Variants in AGBL4 observed in about 807,000 individuals in gnomAD.
AGBL4 encodes the protein cytosolic carboxypeptidase 6.
A neutral mutation model predicts 66.4 loss-of-function variants in AGBL4; 58 were observed. That is an observed-to-expected ratio of 0.87 (90% CI 0.71 to 1.09). The LOEUF (loss-of-function observed/expected upper bound fraction) is 1.09. Among genes scored for constraint, AGBL4 ranks in the 50% least tolerant of loss-of-function variants. AGBL4 has a pLI of 0.00. For missense variants in AGBL4, 579 were observed against 631.0 expected (o/e 0.92, Z 0.88); for synonymous variants, 234 against 222.9 (o/e 1.05, Z -0.44).
chr1:48,872,994 C>T (rs1648838393), intron 5 of AGBL4, among the ~76,000 whole-genome samples: 1 of 152,184 alleles, frequency 6.6e-6, no homozygotes, highest in African/African-American at 2.4e-5. Flanking sequence ...AGCCTTTGGG[C>T]TTCTCACTAT....
intron 6 of AGBL4, among the ~76,000 whole-genome samples, chr1:48,678,144 G>T (rs534454954): frequency 6.6e-6 from 1 of 152,256 alleles, no homozygotes; most frequent in South Asian, 2.1e-4. Flanking sequence ...CGCTAGGATG[G>T]TCAGGCCTTC....
intron 5 of AGBL4, among the ~76,000 whole-genome samples, chr1:49,011,043 A>T (rs897515490): frequency 2.0e-5 from 3 of 151,970 alleles, no homozygotes; most frequent in African/African-American, 7.2e-5. Flanking sequence ...ATCTAATTAA[A>T]CTAAAGAGCT....
intron 1 of AGBL4, among the ~76,000 whole-genome samples, chr1:49,860,602 G>T (rs1348498495): frequency 1.3e-5 from 2 of 152,168 alleles, no homozygotes. Flanking sequence ...AGGAGGCTGA[G>T]ATGGAAGAAT....
At chr1:49,576,777 G>A (rs1644445167) in intron 3 of AGBL4, among the ~76,000 whole-genome samples, 1 of 152,114 alleles carries the variant, frequency 6.6e-6, no homozygotes, top group South Asian at 2.1e-4. Flanking sequence ...CTGCACTGAT[G>A]GCCTCATGGG....
chr1:48,929,346 G>T (rs1654847514), intron 5 of AGBL4, among the ~76,000 whole-genome samples: 1 of 152,124 alleles, frequency 6.6e-6, no homozygotes, highest in South Asian at 2.1e-4. Flanking sequence ...TATCCTTTCA[G>T]TTAAAAAACA....
chr1:49,101,083 C>T (rs144730445), intron 4 of AGBL4, among the ~76,000 whole-genome samples: 2 of 152,280 alleles, frequency 1.3e-5, no homozygotes, highest in African/African-American at 2.4e-5. Flanking sequence ...AGACTCAGAC[C>T]TACAGGTTCT....
Position 49,828,837 on chromosome 1 carries a change from G to T in AGBL4, c.157+22559C>A, listed in dbSNP as rs181698922. Among the ~76,000 whole-genome samples, 7 of 152,198 alleles carry T rather than the reference G, an allele frequency of 4.6e-5. No individual in the cohort carries two copies. The East Asian group carries it at 1.4e-3, about 29-fold the overall frequency. On this transcript the variant is annotated intron_variant, in intron 2 of 13. Transcript: ENST00000371839. The stretch of plus-strand genomic sequence containing the variant: ...TGTAATTCCAGTATTTTGGAAGGCC[G>T]AGGCGGGCGGATCACGAGGTCAGGA...
At chr1:49,335,009 A>G (rs1645405560) in intron 3 of AGBL4, among the ~76,000 whole-genome samples, 1 of 152,204 alleles carries the variant, frequency 6.6e-6, no homozygotes, top group Non-Finnish European at 1.5e-5. Context: ...TTAATCTCTG[A>G]ATACACACAG....
intron 6 of AGBL4, among the ~76,000 whole-genome samples, chr1:48,753,291 C>G (rs1652046379): frequency 6.6e-6 from 1 of 152,158 alleles, no homozygotes; most frequent in South Asian, 2.1e-4. Flanking sequence ...AAACAGACAC[C>G]TGAGAAGGGT....
At chr1:50,019,263 TTC>T (rs71059571) in intron 1 of AGBL4, among the ~76,000 whole-genome samples, 2,357 of 83,576 alleles carry the variant, frequency 0.028, 109 homozygotes, top group African/African-American at 0.098. Flanking sequence ...AAAAAAAATA[TTC>T]TCTCTCTCTC....
chr1:49,252,227 A>G (rs1570221668), intron 3 of AGBL4, among the ~76,000 whole-genome samples: 1 of 152,268 alleles, frequency 6.6e-6, no homozygotes, highest in East Asian at 1.9e-4. Flanking sequence ...GACCTGATAG[A>G]GCAGAAAAAC....
At chr1:49,262,297 T>C (rs1158719706) in intron 3 of AGBL4, among the ~76,000 whole-genome samples, 1 of 151,996 alleles carries the variant, frequency 6.6e-6, no homozygotes, top group Non-Finnish European at 1.5e-5. Context: ...AAGACAAAAT[T>C]GACAAATGGG....
chr1:49,685,932 T>G (rs955402186), intron 3 of AGBL4, among the ~76,000 whole-genome samples: 1 of 152,212 alleles, frequency 6.6e-6, no homozygotes, highest in African/African-American at 2.4e-5. Flanking sequence ...TTGTTTTGGT[T>G]GCAATTGCTT....
chr1:49,443,795 TA>T lies in AGBL4; in HGVS notation c.283-197932del, dbSNP rs1315163546. ...TTCTGATTTTTATTATATATATATA[TA>T]TTTTTAATTTTGATTTGGGTTTGTT... is the stretch of plus-strand genomic sequence containing the variant. On this transcript the variant is annotated intron_variant, in intron 3 of 13. Coordinates refer to ENST00000371839, the MANE Select transcript of AGBL4 (RefSeq NM_032785.4). 8.0e-5 allele frequency among the ~76,000 whole-genome samples: 12 copies of T among 150,624 alleles called. No homozygotes were observed. In the East Asian group the frequency reaches 2.1e-3, roughly 27 times the overall value.
At chr1:49,596,111 G>A (rs1644848162) in intron 3 of AGBL4, among the ~76,000 whole-genome samples, 1 of 152,128 alleles carries the variant, frequency 6.6e-6, no homozygotes. Context: ...GTCATCCACA[G>A]GCAATGTGTC....
chr1:49,253,876 A>G (rs1321557164), intron 3 of AGBL4, among the ~76,000 whole-genome samples: 1 of 152,238 alleles, frequency 6.6e-6, no homozygotes, highest in African/African-American at 2.4e-5. Context: ...ACAAACCAAT[A>G]AATGTGATTC....
At chr1:48,923,173 T>C (rs1460702525) in intron 5 of AGBL4, among the ~76,000 whole-genome samples, 1 of 152,124 alleles carries the variant, frequency 6.6e-6, no homozygotes, top group Non-Finnish European at 1.5e-5. Flanking sequence ...TTTCCAACGC[T>C]TCCATTTTAT....
chr1:49,577,212 G>A (rs1277513881), intron 3 of AGBL4, among the ~76,000 whole-genome samples: 1 of 152,200 alleles, frequency 6.6e-6, no homozygotes, highest in South Asian at 2.1e-4. Context: ...CAGCAGAGGA[G>A]GATTTTAATA....
chr1:48,694,277 C>T (rs768501780), intron 6 of AGBL4, among the ~76,000 whole-genome samples: 17 of 152,070 alleles, frequency 1.1e-4, no homozygotes, highest in Non-Finnish European at 2.2e-4. Flanking sequence ...ATATGAATAT[C>T]TGTATCTGAC....
Sources: allele counts gnomAD v4.1 joint callset (sites outside exome capture counted in the v4.1 genomes callset), GRCh38; gene constraint gnomAD v4.1.1; transcripts MANE v1.5; gene names NCBI Gene and HGNC (gene_info 2026-07-23, HGNC 2026-07-21).